The following LRP5 variants were observed in gnomAD, a reference collection of about 807,000 sequenced individuals.
LRP5 encodes low-density lipoprotein receptor-related protein 5.
A neutral mutation model predicts 154.1 loss-of-function variants in LRP5; 62 were observed. The ratio of observed to expected loss-of-function variants is 0.40; its 90% confidence interval spans 0.33 to 0.50. The LOEUF is 0.50. Ranked by LOEUF, LRP5 falls within the 20% of genes least tolerant of loss-of-function variation. The pLI is 0.55. For synonymous variants in LRP5, 966 were observed against 1,011.5 expected (o/e 0.96, Z 0.85); for missense variants, 1,915 against 2,336.7 (o/e 0.82, Z 3.72).
intron 17 of LRP5, 41 bp from the exon 18 acceptor site, chr11:68,433,561 G>A (rs372646122): frequency 4.5e-6 from 7 of 1,554,852 alleles, no homozygotes; most frequent in Non-Finnish European, 6.2e-6. Context: ...GGTTTTGCTG[G>A]GCGGGGCTGC....
chr11:68,448,764 G>A (rs370474110), intron 22 of LRP5, 45 bp from the exon 23 acceptor site: 79 of 1,599,320 alleles, frequency 4.9e-5, no homozygotes, highest in Middle Eastern at 1.6e-4. Flanking sequence ...CCACCAGGGC[G>A]GATGTGCCTA....
chr11:68,443,549 A>G (rs1384166788), intron 21 of LRP5, among the ~76,000 whole-genome samples: 1 of 24,400 alleles, frequency 4.1e-5, no homozygotes, highest in Non-Finnish European at 7.4e-5. Flanking sequence ...TATGGCATAT[A>G]TATATATATA....
At chr11:68,351,054 G>A (rs926814448) in intron 2 of LRP5, among the ~76,000 whole-genome samples, 1 of 152,204 alleles carries the variant, frequency 6.6e-6, no homozygotes, top group African/African-American at 2.4e-5. Flanking sequence ...GCGAGTATGT[G>A]CGCGAGAGTG....
chr11:68,391,038 G>A (rs183005269), intron 7 of LRP5, among the ~76,000 whole-genome samples: 161 of 152,322 alleles, frequency 1.1e-3, no homozygotes, highest in African/African-American at 3.5e-3. Flanking sequence ...CGCGATCTCA[G>A]CTCACTGAAA....
At chr11:68,322,090 C>T (rs1310574607) in intron 1 of LRP5, among the ~76,000 whole-genome samples, 3 of 152,236 alleles carry the variant, frequency 2.0e-5, no homozygotes, top group African/African-American at 4.8e-5. Flanking sequence ...AAACTTTCCC[C>T]CAGAGCGAAC....
intron 13 of LRP5, among the ~76,000 whole-genome samples, chr11:68,417,448 G>GTTTT (rs1565095730): frequency 2.5e-5 from 1 of 40,380 alleles, no homozygotes; most frequent in South Asian, 1.3e-3. Flanking sequence ...GAACAGATTG[G>GTTTT]CTTTTTTTTT....
At chr11:68,330,538 C>T (rs955428338) in intron 1 of LRP5, among the ~76,000 whole-genome samples, 6 of 152,250 alleles carry the variant, frequency 3.9e-5, no homozygotes, top group Non-Finnish European at 7.3e-5. Flanking sequence ...CCCTGGTGGG[C>T]TCCATGGGGT....
chr11:68,367,627 G>T (rs1195111941), intron 5 of LRP5, among the ~76,000 whole-genome samples: 1 of 152,234 alleles, frequency 6.6e-6, no homozygotes, highest in Non-Finnish European at 1.5e-5. Flanking sequence ...GCTGGACCCT[G>T]CGCTCTGCAG....
chr11:68,348,550 G>T (rs1022570353), intron 2 of LRP5, among the ~76,000 whole-genome samples: 1 of 145,386 alleles, frequency 6.9e-6, no homozygotes, highest in East Asian at 2.0e-4. Flanking sequence ...ACTCGTGGGG[G>T]GGTTGGTTCA....
intron 21 of LRP5, among the ~76,000 whole-genome samples, chr11:68,444,804 A>G (rs2098680554): frequency 6.6e-6 from 1 of 152,064 alleles, no homozygotes; most frequent in South Asian, 2.1e-4. Context: ...GGGCTTGGGC[A>G]GCTGTAGGAA....
At chr11:68,361,562 G>A (rs1412784802) in intron 3 of LRP5, among the ~76,000 whole-genome samples, 12 of 151,822 alleles carry the variant, frequency 7.9e-5, no homozygotes, top group Admixed American at 3.3e-4. Flanking sequence ...GTGTGAACCC[G>A]GGAGGCAGAG....
At chr11:68,357,413 T>C (rs1849429601) in intron 2 of LRP5, among the ~76,000 whole-genome samples, 1 of 152,236 alleles carries the variant, frequency 6.6e-6, no homozygotes, top group Non-Finnish European at 1.5e-5. Context: ...GGAATCTTTC[T>C]ATCCACAAGA....
Position 68,429,700 on chromosome 11 carries a change from G to A in LRP5, c.3763G>A (p.Glu1255Lys). 6.2e-7 allele frequency: 1 copy of A among 1,614,148 alleles called. No homozygotes were observed. Among genetic ancestry groups the A allele is most frequent in the South Asian group, 1.1e-5 (1 of 91,088 alleles). The stretch of plus-strand genomic sequence containing the variant: ...CCTGCAGAACCTGCTGACCTGTGGA[G>A]GTAGGTGTGACCTAGGTGCTCCTTT... ...VLLQNLLTCG[E>K]PPTCSPDQFA... The change falls in exon 17 of 23, where the codon GAG becomes AAG. Residue 1255 changes from glutamate to lysine, a missense_variant and splice_region_variant. Glu to Lys is a moderately conservative substitution (Grantham distance 56, BLOSUM62 1). This residue lies in a region of LRP5 where 1,094 missense variants were observed against 1,210.1 expected (regional missense o/e 0.90). Coordinates refer to ENST00000294304, the MANE Select transcript of LRP5 (RefSeq NM_002335.4).
At chr11:68,419,643 G>T (rs1394965952) in intron 13 of LRP5, among the ~76,000 whole-genome samples, 1 of 149,866 alleles carries the variant, frequency 6.7e-6, no homozygotes, top group Non-Finnish European at 1.5e-5. Flanking sequence ...AGGTTCAAGC[G>T]ACTCTCCTGC....
intron 9 of LRP5, among the ~76,000 whole-genome samples, chr11:68,407,269 A>G (rs2098656266): frequency 1.3e-5 from 2 of 151,620 alleles, no homozygotes; most frequent in Admixed American, 6.6e-5. Context: ...CCCAGGTTCA[A>G]GCGATTCTTC....
intron 13 of LRP5, 118 bp downstream of exon 13, chr11:68,416,645 A>C: frequency 1.0e-6 from 1 of 955,956 alleles, no homozygotes; most frequent in Non-Finnish European, 1.6e-6. Context: ...CTCTGGGTGA[A>C]TGATGACTTG....
rs1323986966 is a variant in LRP5, at chr11:68,375,766, T to C, written c.1015+10064T>C. ...TGACTTTGTCAAGAGAAGCCCCCCG[T>C]CTCTGTGCCACCTCTGGGGATCTGA... On this transcript the variant is annotated intron_variant, in intron 5 of 22. Transcript: ENST00000294304. 2.0e-5 allele frequency among the ~76,000 whole-genome samples: 3 copies of C among 152,276 alleles called. 1 individual carries two copies. Among genetic ancestry groups the C allele is most frequent in the Admixed American group, 1.3e-4 (2 of 15,296 alleles).
Position 68,312,814 on chromosome 11 carries a change from G to C in LRP5, c.91+9G>C, listed in dbSNP as rs569517144. The stretch of plus-strand genomic sequence containing the variant: ...CCCGGCCCCCGCCGCGGGTAGGTGG[G>C]CGCAGGCCGGCCGGGGGCCGCGGGT... On this transcript the variant is annotated intron_variant, in intron 1 of 22. Transcript: ENST00000294304. The C allele has an allele frequency of 8.3e-4, 861 of 1,042,322 alleles. 11 individuals carry two copies. The South Asian group carries it at 0.029, about 35-fold the overall frequency. 64.6% of individuals were successfully genotyped at this position (1,042,322 alleles called of 1,614,324 possible).
chr11:68,386,379 C>A lies in LRP5; in HGVS notation c.1079C>A (p.Pro360Gln). The A allele has an allele frequency of 6.2e-7, 1 of 1,613,716 alleles. No individual in the cohort carries two copies. Among genetic ancestry groups the A allele is most frequent in the South Asian group, 1.1e-5 (1 of 91,084 alleles). ...TDLRRISLDTPDFTDIVLQVD... is the reference protein window; with the variant it reads ...TDLRRISLDTQDFTDIVLQVD... The stretch of plus-strand genomic sequence containing the variant: ...CTACGGAGGATCTCGCTGGACACGC[C>A]GGACTTCACCGACATCGTGCTGCAG... Residue 360 changes from proline (P) to glutamine (Q), a missense_variant, in exon 6 of 23, where the codon CCG (proline) becomes CAG (glutamine). By Grantham distance (76) the Pro-to-Gln change is moderately conservative. This residue lies in a region of LRP5 where 773 missense variants were observed against 1,100.9 expected (regional missense o/e 0.70). Transcript: ENST00000294304. The surrounding 1 kb of genome is among the most constrained non-coding windows in gnomAD (Gnocchi z 7.9).
Sources: allele counts gnomAD v4.1 joint callset (sites outside exome capture counted in the v4.1 genomes callset), GRCh38; gene constraint gnomAD v4.1.1; regional missense constraint gnomAD v4.1.1; non-coding constraint Gnocchi (gnomAD v3.1); transcripts MANE v1.5; gene names NCBI Gene and HGNC (gene_info 2026-07-23, HGNC 2026-07-21).